The following CNTN5 variants were observed in gnomAD, a reference collection of about 807,000 sequenced individuals.
CNTN5 encodes the protein contactin-5.
CNTN5 carries 77 observed loss-of-function variants against 129.1 expected under a neutral mutation model. The ratio of observed to expected loss-of-function variants is 0.60; its 90% CI spans 0.50 to 0.72. The LOEUF is 0.72. Among genes scored for constraint, CNTN5 ranks in the 30% least tolerant of loss-of-function variants. CNTN5 has a pLI of 0.00. For missense variants in CNTN5, 1,478 were observed against 1,328.8 expected (o/e 1.11, Z -1.75); for synonymous variants, 509 against 465.6 (o/e 1.09, Z -1.20).
In CNTN5 at chr11:99,784,355, T is replaced by C. The variant is rs530201409; in HGVS notation, c.56-35189T>C. 5.3e-5 allele frequency among the ~76,000 whole-genome samples: 8 copies of C among 152,074 alleles called. No individual in the cohort carries two copies. In the East Asian group the frequency reaches 1.2e-3, roughly 22 times the overall value. On this transcript the variant is annotated intron_variant, in intron 3 of 24. Coordinates refer to ENST00000524871, the MANE Select transcript of CNTN5 (RefSeq NM_014361.4). ...TGATGTTCCCCTCCCTGTGTCCATG[T>C]GTTCTCATTTTTCACCTCCCATTTA...
intron 1 of CNTN5, among the ~76,000 whole-genome samples, chr11:99,063,605 A>G (rs1211124362): frequency 1.3e-5 from 2 of 152,076 alleles, no homozygotes; most frequent in Non-Finnish European, 2.9e-5. Context: ...AGGAAACCAT[A>G]CACATTAAAG....
chr11:99,059,860 G>A (rs141922442), intron 1 of CNTN5, among the ~76,000 whole-genome samples: 1 of 151,984 alleles, frequency 6.6e-6, no homozygotes, highest in East Asian at 1.9e-4. Context: ...TAATATTATT[G>A]CTAGTTATAT....
At position 99,782,270 on chromosome 11, in the gene CNTN5, G is replaced by C. The variant is rs1172208195; in HGVS notation, c.56-37274G>C. On this transcript the variant is annotated intron_variant, in intron 3 of 24. Coordinates refer to ENST00000524871, the MANE Select transcript of CNTN5 (RefSeq NM_014361.4). The stretch of plus-strand genomic sequence containing the variant: ...AAATACCTAGGAATCCAACTTACAA[G>C]GGATGTGAAGGACCTCTTCAAGGAG... 4.8e-5 allele frequency among the ~76,000 whole-genome samples: 7 copies of C among 146,250 alleles called. No individual in the cohort carries two copies. In the East Asian group the frequency reaches 1.2e-3, roughly 25 times the overall value.
At chr11:99,609,755 T>C (rs1165097008) in intron 3 of CNTN5, among the ~76,000 whole-genome samples, 1 of 152,122 alleles carries the variant, frequency 6.6e-6, no homozygotes, top group Non-Finnish European at 1.5e-5. Context: ...TAGAAGATTA[T>C]AGTGGAAAGA....
chr11:99,206,824 A>G (rs945811624), intron 1 of CNTN5, among the ~76,000 whole-genome samples: 1 of 152,148 alleles, frequency 6.6e-6, no homozygotes, highest in Non-Finnish European at 1.5e-5. Flanking sequence ...AAAATAGTAG[A>G]ATTTTATTTA....
At chr11:99,990,317 T>G (rs187586481) in intron 8 of CNTN5, among the ~76,000 whole-genome samples, 1 of 152,260 alleles carries the variant, frequency 6.6e-6, no homozygotes, top group East Asian at 1.9e-4. Flanking sequence ...CTTGATCAAT[T>G]TATTCCTGAT....
At chr11:99,710,547 TTG>T (rs71050017) in intron 3 of CNTN5, among the ~76,000 whole-genome samples, 41,015 of 145,682 alleles carry the variant, frequency 0.28, 6,075 homozygotes, top group Middle Eastern at 0.43. Context: ...CTGCTCTAGA[TTG>T]TGTGTGTGTG....
At chr11:100,143,666 T>C (rs1190093612) in intron 13 of CNTN5, among the ~76,000 whole-genome samples, 1 of 152,136 alleles carries the variant, frequency 6.6e-6, no homozygotes, top group Non-Finnish European at 1.5e-5. Flanking sequence ...CTATGCCAGA[T>C]TGTTAGTAAT....
intron 6 of CNTN5, among the ~76,000 whole-genome samples, chr11:99,915,067 T>C (rs1383330361): frequency 6.6e-6 from 1 of 152,050 alleles, no homozygotes; most frequent in East Asian, 1.9e-4. Context: ...AATTTGTGCC[T>C]AATGGAAGAA....
chr11:99,300,206 G>A (rs188142922), intron 1 of CNTN5, among the ~76,000 whole-genome samples: 2 of 152,170 alleles, frequency 1.3e-5, no homozygotes, highest in East Asian at 3.9e-4. Context: ...ACTTCTTAGG[G>A]GGAATGTTTT....
At chr11:99,152,209 A>G (rs1860096762) in intron 1 of CNTN5, among the ~76,000 whole-genome samples, 1 of 152,162 alleles carries the variant, frequency 6.6e-6, no homozygotes, top group African/African-American at 2.4e-5. Context: ...TTCATTTTAC[A>G]CTTTCTATAA....
intron 16 of CNTN5, among the ~76,000 whole-genome samples, chr11:100,241,126 T>A (rs890609404): frequency 2.0e-5 from 3 of 152,242 alleles, no homozygotes; most frequent in Non-Finnish European, 4.4e-5. Flanking sequence ...TTCTTAGTGT[T>A]TATGCAATAG....
chr11:100,176,768 A>G (rs962136792), intron 13 of CNTN5, among the ~76,000 whole-genome samples: 3 of 152,014 alleles, frequency 2.0e-5, no homozygotes, highest in Non-Finnish European at 2.9e-5. Context: ...AGTATAACAT[A>G]CTTGCTTTTA....
chr11:99,336,518 T>C (rs1255662171), intron 2 of CNTN5, among the ~76,000 whole-genome samples: 3 of 152,162 alleles, frequency 2.0e-5, no homozygotes, highest in Non-Finnish European at 4.4e-5. Context: ...TATTCCACAA[T>C]TTTCTTAATG....
chr11:100,294,001 T>G (rs1951052374), intron 18 of CNTN5, among the ~76,000 whole-genome samples: 1 of 151,688 alleles, frequency 6.6e-6, no homozygotes, highest in Non-Finnish European at 1.5e-5. Flanking sequence ...CCTCTTGACT[T>G]CTACCTTTGC....
chr11:100,254,222 C>T (rs1236039739), intron 16 of CNTN5, among the ~76,000 whole-genome samples: 2 of 152,110 alleles, frequency 1.3e-5, no homozygotes, highest in Admixed American at 6.5e-5. Flanking sequence ...ATTTTCTCTT[C>T]ATTGCACCCT....
At chr11:99,614,285 T>C (rs1185400750) in intron 3 of CNTN5, among the ~76,000 whole-genome samples, 2 of 152,254 alleles carry the variant, frequency 1.3e-5, no homozygotes, top group Non-Finnish European at 2.9e-5. Context: ...ATACAATCAT[T>C]TCTCAGGTTT....
At position 100,309,664 on chromosome 11, in the gene CNTN5, GC is replaced by G. The variant is rs1490933759; in HGVS notation, c.2730+1199del. Reference sequence around the variant, plus strand: ...CAGCAAATGATAATATATATATTTGGCCCATAACTGACCACAATAAATATGT... The same window carrying G: ...CAGCAAATGATAATATATATATTTGGCCATAACTGACCACAATAAATATGT... On this transcript the variant is annotated intron_variant, in intron 21 of 24. Transcript: ENST00000524871. The G allele has an allele frequency of 2.1e-5, 21 of 984,106 alleles. No individual in the cohort carries two copies. In the African/African-American group the frequency reaches 3.3e-4, roughly 16 times the overall value. The allele number at this position is 984,106 out of a possible 1,614,324, so 61.0% of individuals were successfully genotyped here. A position where few individuals can be genotyped will look rare whatever the true frequency, so the allele number is the denominator to read the frequency against.
chr11:99,956,703 C>A, intron 7 of CNTN5, 103 bp from the exon 8 acceptor site: 1 of 737,586 alleles, frequency 1.4e-6, no homozygotes, highest in African/African-American at 1.8e-5. Context: ...ATATGTATGA[C>A]CTTGCAATAT....
Sources: gnomAD v4.1 joint callset for allele counts (sites outside exome capture counted in the v4.1 genomes callset) on GRCh38, gnomAD v4.1.1 for gene constraint, MANE v1.5 for transcripts, NCBI Gene and HGNC (gene_info 2026-07-23, HGNC 2026-07-21) for gene names.